TMPO: variants seen among roughly 807,000 people sequenced by gnomAD.
TMPO encodes thymopoietin.
In TMPO, 22 loss-of-function variants were observed where a neutral mutation model predicts 45.4. The ratio of observed to expected loss-of-function variants is 0.48; its 90% CI spans 0.35 to 0.69. The LOEUF (loss-of-function observed/expected upper bound fraction) is 0.69. Ranked by LOEUF, TMPO falls within the 30% of genes least tolerant of loss-of-function variation. TMPO has a pLI of 0.01. For synonymous variants in TMPO, 241 were observed against 204.1 expected, an observed-to-expected ratio of 1.18 and a Z score of -1.54; for missense variants, 512 against 548.8, an observed-to-expected ratio of 0.93 and a Z score of 0.67.
At chr12:98,520,054 G>T (rs1457341059) in intron 1 of TMPO, among the ~76,000 whole-genome samples, 1 of 145,276 alleles carries the variant, frequency 6.9e-6, no homozygotes, top group African/African-American at 2.6e-5. Context: ...CTGCCTCCCG[G>T]GTTCAAGCGA....
At chr12:98,522,364 A>G (rs1876436931) in intron 1 of TMPO, among the ~76,000 whole-genome samples, 1 of 152,226 alleles carries the variant, frequency 6.6e-6, no homozygotes, top group Non-Finnish European at 1.5e-5. Context: ...AAAAGAACAT[A>G]AAAGCATGCT....
At chr12:98,535,358 TCTGTGATTG>T in intron 3 of TMPO, 1 of 985,330 alleles carries the variant, frequency 1.0e-6, no homozygotes, top group African/African-American at 1.7e-5. Context: ...TGTTTTCATT[TCTGTGATTG>T]TAAGTTAAGA....
At chr12:98,537,615 C>A in intron 4 of TMPO, 43 bp downstream of exon 4, 1 of 1,403,192 alleles carries the variant, frequency 7.1e-7, no homozygotes, top group Non-Finnish European at 1.0e-6. Context: ...TATAAATAAC[C>A]TCCTGACAAC....
chr12:98,545,633 C>T (rs1376122451), intron 7 of TMPO, among the ~76,000 whole-genome samples: 1 of 151,862 alleles, frequency 6.6e-6, no homozygotes, highest in East Asian at 1.9e-4. Context: ...ATTGCATTGA[C>T]TATAATTTTA....
At chr12:98,519,173 C>T (rs1401741887) in intron 1 of TMPO, among the ~76,000 whole-genome samples, 3 of 152,184 alleles carry the variant, frequency 2.0e-5, no homozygotes, top group East Asian at 1.9e-4. Flanking sequence ...TGAGCCACCG[C>T]GCCCAGCCAA....
intron 3 of TMPO, chr12:98,533,883 G>T: frequency 6.2e-7 from 1 of 1,614,124 alleles, no homozygotes; most frequent in Non-Finnish European, 8.5e-7. Context: ...AAATCCTAGG[G>T]TTTATTTCTG....
chr12:98,532,760 A>T, intron 3 of TMPO: 1 of 1,612,756 alleles, frequency 6.2e-7, no homozygotes, highest in South Asian at 1.1e-5. Flanking sequence ...GCAAAGAGGC[A>T]AAGAATAAAA....
rs142106064 is a variant in TMPO at position 98,527,812 on chromosome 12, A to T, written c.280-74A>T. On this transcript the variant is annotated intron_variant, in intron 1 of 8. Coordinates refer to ENST00000556029, the MANE Select transcript of TMPO (RefSeq NM_001032283.3). ...AATTTGGTAGTGAGTTTGCATGTTT[A>T]TGTTATACAGGTTATTATCTAGTAA... is the stretch of plus-strand genomic sequence containing the variant. 8.7e-5 allele frequency: 137 copies of T among 1,569,268 alleles called. No individual in the cohort carries two copies. In the East Asian group the frequency reaches 2.7e-3, roughly 31 times the overall value.
chr12:98,548,032 T>C lies in TMPO; in HGVS notation c.*174T>C. 1 of 746,336 alleles carries C rather than the reference T, an allele frequency of 1.3e-6. No individual in the cohort carries two copies. Among genetic ancestry groups the C allele is most frequent in the Admixed American group, 3.3e-5 (1 of 30,694 alleles). 46.2% of individuals were successfully genotyped at this position (746,336 alleles called of 1,614,324 possible). A position where few individuals can be genotyped will look rare whatever the true frequency, so the allele number is the denominator to read the frequency against. The stretch of plus-strand genomic sequence containing the variant: ...ATATAAATGGACTTCATTAAAATGT[T>C]TTTGAACTTTGGACTAGTAGGAGAT... On this transcript the variant is annotated 3_prime_UTR_variant, in exon 9 of 9. Coordinates refer to ENST00000556029, the MANE Select transcript of TMPO (RefSeq NM_001032283.3).
intron 1 of TMPO, among the ~76,000 whole-genome samples, chr12:98,521,867 T>C (rs947424359): frequency 2.0e-5 from 3 of 152,104 alleles, no homozygotes; most frequent in Non-Finnish European, 4.4e-5. Flanking sequence ...GGAGCTGGGA[T>C]TACAAGCGTG....
chr12:98,532,855 A>C (rs758500418), intron 3 of TMPO: 2 of 1,614,196 alleles, frequency 1.2e-6, no homozygotes, highest in Middle Eastern at 1.6e-4. Flanking sequence ...AGTGAAGTCC[A>C]CTAGGGATAT....
chr12:98,538,713 A>G (rs955783915), intron 4 of TMPO, among the ~76,000 whole-genome samples: 2 of 152,158 alleles, frequency 1.3e-5, no homozygotes, highest in Non-Finnish European at 2.9e-5. Context: ...AAGGCAAGTC[A>G]GTCTCTCTCT....
rs758682627 is a variant in TMPO, at chr12:98,515,826, G to A, written c.-42G>A. 6.3e-7 allele frequency: 1 copy of A among 1,586,050 alleles called. No individual in the cohort carries two copies. Among genetic ancestry groups the A allele is most frequent in the East Asian group, 2.4e-5 (1 of 42,418 alleles). On this transcript the variant is annotated 5_prime_UTR_variant, in exon 1 of 9. Coordinates refer to ENST00000556029, the MANE Select transcript of TMPO (RefSeq NM_001032283.3). ...GAGCAAGCGCGCCGGCGTGAGCGGC[G>A]GCGGCAAAGGCTGTGGGGAGGGGGC...
chr12:98,546,494 T>C, intron 8 of TMPO, 47 bp downstream of exon 8: 1 of 1,334,040 alleles, frequency 7.5e-7, no homozygotes, highest in Non-Finnish European at 1.1e-6. Flanking sequence ...TAGTAGGGAA[T>C]CTTTATTTTT....
intron 3 of TMPO, chr12:98,533,014 A>G: frequency 6.2e-7 from 1 of 1,613,774 alleles, no homozygotes; most frequent in Non-Finnish European, 8.5e-7. Context: ...AGACCTACCT[A>G]GGGAGCCTCT....
chr12:98,519,509 GTT>G (rs1876165151), intron 1 of TMPO, among the ~76,000 whole-genome samples: 1 of 152,160 alleles, frequency 6.6e-6, no homozygotes, highest in African/African-American at 2.4e-5. Flanking sequence ...CAGAAGTCAT[GTT>G]TTTTAGAGTA....
At chr12:98,547,075 G>A (rs114805943) in intron 8 of TMPO, among the ~76,000 whole-genome samples, 10,298 of 132,610 alleles carry the variant, frequency 0.078, 511 homozygotes, top group South Asian at 0.17. Context: ...AGGATGCATC[G>A]AACTTTTTTT....
intron 3 of TMPO, among the ~76,000 whole-genome samples, chr12:98,536,011 AG>A (rs2121219129): frequency 6.6e-6 from 1 of 152,368 alleles, no homozygotes; most frequent in East Asian, 1.9e-4. Context: ...ATACATTGAC[AG>A]ATCCATTGAT....
rs1592925534 is a variant in TMPO at position 98,516,535 on chromosome 12, T to G, written c.279+389T>G. The G allele has an allele frequency of 3.9e-6, 4 of 1,034,346 alleles. No individual in the cohort carries two copies. The South Asian group carries it at 1.8e-4, about 48-fold the overall frequency. 64.1% of individuals were successfully genotyped at this position (1,034,346 alleles called of 1,614,324 possible). A position where few individuals can be genotyped will look rare whatever the true frequency, so the allele number is the denominator to read the frequency against. ...TGCTATAGGTTAAGTTCGAGCGTTT[T>G]CCCGCTTTATTAACTGAAATGACTC... On this transcript the variant is annotated intron_variant, in intron 1 of 8. Transcript: ENST00000556029.
Sources: gnomAD v4.1 joint callset for allele counts (sites outside exome capture counted in the v4.1 genomes callset) on GRCh38, gnomAD v4.1.1 for gene constraint, MANE v1.5 for transcripts, NCBI Gene and HGNC (gene_info 2026-07-23, HGNC 2026-07-21) for gene names.